SIPA1L2: variants seen among roughly 807,000 people sequenced by gnomAD.
SIPA1L2 encodes the protein signal-induced proliferation-associated 1-like protein 2.
A neutral mutation model predicts 163.9 loss-of-function variants in SIPA1L2; 56 were observed. The ratio of observed to expected loss-of-function variants is 0.34; its 90% CI spans 0.28 to 0.43. The LOEUF is 0.43. Among genes scored for constraint, SIPA1L2 ranks in the 20% least tolerant of loss-of-function variants. The pLI, the probability that SIPA1L2 is intolerant of heterozygous loss-of-function variation, is 1.00. For synonymous variants in SIPA1L2, 877 were observed against 865.7 expected, an observed-to-expected ratio of 1.01 and a Z score of -0.23; for missense variants, 1,974 against 2,193.5, an observed-to-expected ratio of 0.90 and a Z score of 2.00.
At chr1:232,412,086 C>T (rs1660988591) in intron 19 of SIPA1L2, among the ~76,000 whole-genome samples, 1 of 152,170 alleles carries the variant, frequency 6.6e-6, no homozygotes, top group Non-Finnish European at 1.5e-5. Flanking sequence ...GATTTGACAG[C>T]TTAATTTGGT....
At chr1:232,526,599 C>T (rs1482449828) in intron 2 of SIPA1L2, among the ~76,000 whole-genome samples, 2 of 152,166 alleles carry the variant, frequency 1.3e-5, no homozygotes, top group African/African-American at 2.4e-5. Flanking sequence ...CTGTGCAGCC[C>T]GGTTCCTAAC....
At chr1:232,524,613 T>A (rs1037804260) in intron 2 of SIPA1L2, among the ~76,000 whole-genome samples, 3 of 152,092 alleles carry the variant, frequency 2.0e-5, no homozygotes, top group Non-Finnish European at 4.4e-5. Flanking sequence ...AGAAACAGTC[T>A]TAACAGTCAG....
chr1:232,480,193 T>G (rs7552774), intron 6 of SIPA1L2, among the ~76,000 whole-genome samples: 5,495 of 67,506 alleles, frequency 0.081, 611 homozygotes, highest in East Asian at 0.59. Context: ...GTGTGTGTGT[T>G]TTTACAGTTA....
chr1:232,605,233 C>T (rs1401150858), intron 1 of SIPA1L2, among the ~76,000 whole-genome samples: 1 of 152,120 alleles, frequency 6.6e-6, no homozygotes, highest in Admixed American at 6.5e-5. Context: ...AGTCTGGTGT[C>T]AAACTCCTGG....
chr1:232,596,170 G>C (rs1661245766), intron 1 of SIPA1L2, among the ~76,000 whole-genome samples: 1 of 152,176 alleles, frequency 6.6e-6, no homozygotes, highest in African/African-American at 2.4e-5. Flanking sequence ...GAAAGTCAAA[G>C]GGCTAGTCTT....
intron 5 of SIPA1L2, among the ~76,000 whole-genome samples, chr1:232,486,050 T>C (rs1406452656): frequency 6.6e-6 from 1 of 152,194 alleles, no homozygotes; most frequent in Non-Finnish European, 1.5e-5. Flanking sequence ...AAGGCCATCT[T>C]TGTCTCCATT....
At chr1:232,613,178 G>C (rs749465278) in intron 1 of SIPA1L2, among the ~76,000 whole-genome samples, 4 of 152,120 alleles carry the variant, frequency 2.6e-5, no homozygotes, top group Non-Finnish European at 5.9e-5. Context: ...TTTCTTGCCA[G>C]TCTCGGGTAT....
At chr1:232,484,750 C>G (rs73095131) in intron 5 of SIPA1L2, among the ~76,000 whole-genome samples, 5 of 152,288 alleles carry the variant, frequency 3.3e-5, no homozygotes, top group African/African-American at 1.2e-4. Context: ...TCACACCTTT[C>G]TTATGTCCCC....
intron 2 of SIPA1L2, among the ~76,000 whole-genome samples, chr1:232,524,957 A>T (rs531249779): frequency 5.9e-5 from 9 of 152,288 alleles, no homozygotes; most frequent in African/African-American, 1.9e-4. Flanking sequence ...CTTTAAATTC[A>T]ATAAATATAA....
chr1:232,529,775 T>G (rs1667884869), intron 2 of SIPA1L2, among the ~76,000 whole-genome samples: 1 of 152,190 alleles, frequency 6.6e-6, no homozygotes, highest in Non-Finnish European at 1.5e-5. Context: ...GAGTAAATAG[T>G]TTTAAGTTTT....
At chr1:232,576,666 C>A (rs752146055) in intron 1 of SIPA1L2, among the ~76,000 whole-genome samples, 3 of 152,068 alleles carry the variant, frequency 2.0e-5, no homozygotes, top group Non-Finnish European at 2.9e-5. Flanking sequence ...CAAAACAGGC[C>A]GAAAGCTAAG....
intron 10 of SIPA1L2, among the ~76,000 whole-genome samples, chr1:232,456,927 C>T (rs1171940685): frequency 2.0e-5 from 3 of 152,144 alleles, no homozygotes; most frequent in African/African-American, 7.2e-5. Context: ...AATCCCAGCA[C>T]GAGATCAGTT....
intron 2 of SIPA1L2, among the ~76,000 whole-genome samples, chr1:232,517,568 A>G (rs1573015580): frequency 6.6e-6 from 1 of 152,230 alleles, no homozygotes; most frequent in African/African-American, 2.4e-5. Flanking sequence ...AGTCCTGGAA[A>G]ACCTGACTAG....
In SIPA1L2 at chr1:232,439,504, A is replaced by T. The variant is rs1190103794; in HGVS notation, c.3643-8T>A. Reference sequence around the variant, plus strand: ...GCAACTTTTATCCCCAATCTTCAGAAGAAAGAGGAACAGAGAGTTCTCAAG... The same window carrying T: ...GCAACTTTTATCCCCAATCTTCAGATGAAAGAGGAACAGAGAGTTCTCAAG... On this transcript the variant is annotated splice_polypyrimidine_tract_variant and splice_region_variant and intron_variant, in intron 14 of 22. Coordinates refer to ENST00000674635, the MANE Select transcript of SIPA1L2 (RefSeq NM_020808.5). The T allele has an allele frequency of 6.2e-7, 1 of 1,607,298 alleles. No homozygotes were observed.
intron 18 of SIPA1L2, 73 bp downstream of exon 18, chr1:232,425,516 G>C: frequency 8.4e-7 from 1 of 1,192,306 alleles, no homozygotes; most frequent in East Asian, 2.6e-5. Flanking sequence ...CACCCTCAGA[G>C]CTCAATGAGG....
chr1:232,494,837 G>A (rs1206042497), intron 3 of SIPA1L2, among the ~76,000 whole-genome samples: 1 of 152,068 alleles, frequency 6.6e-6, no homozygotes, highest in African/African-American at 2.4e-5. Context: ...CAAACCTCCA[G>A]GTGTTATTCA....
chr1:232,466,794 AAAACAAAAACAG>A (rs563508321), intron 8 of SIPA1L2, among the ~76,000 whole-genome samples: 8 of 152,186 alleles, frequency 5.3e-5, no homozygotes, highest in Non-Finnish European at 8.8e-5. Flanking sequence ...CCGTCTCAAA[AAAACAAAAACAG>A]AAACAAAAAC....
At chr1:232,547,575 G>T (rs1268142515) in intron 2 of SIPA1L2, among the ~76,000 whole-genome samples, 1 of 142,118 alleles carries the variant, frequency 7.0e-6, no homozygotes, top group Non-Finnish European at 1.5e-5. Context: ...CGGGGTGGGG[G>T]CTGGGTGGGG....
intron 1 of SIPA1L2, among the ~76,000 whole-genome samples, chr1:232,600,946 G>A (rs1205461925): frequency 1.3e-5 from 2 of 152,156 alleles, no homozygotes; most frequent in African/African-American, 4.8e-5. Flanking sequence ...ACTGTGTCAC[G>A]ACAAAAATAC....
Sources: gnomAD v4.1 joint callset for allele counts (sites outside exome capture counted in the v4.1 genomes callset) on GRCh38, gnomAD v4.1.1 for gene constraint, MANE v1.5 for transcripts, NCBI Gene and HGNC (gene_info 2026-07-23, HGNC 2026-07-21) for gene names.